Variants in CNTLN observed in about 807,000 individuals in gnomAD.
CNTLN encodes the protein centlein, centrosomal protein.
CNTLN carries 212 observed loss-of-function variants against 180.0 expected under a neutral mutation model. That is an observed-to-expected ratio of 1.18 (90% CI 1.05 to 1.32). The LOEUF is 1.32. Among genes scored for constraint, CNTLN ranks in the 40% most tolerant of loss-of-function variants. The pLI, the probability that CNTLN is intolerant of heterozygous loss-of-function variation, is 0.00. For synonymous variants in CNTLN, 722 were observed against 563.1 expected (o/e 1.28, Z -3.99); for missense variants, 2,095 against 1,610.9 (o/e 1.30, Z -5.14).
At chr9:17,334,905 A>G (rs1820896256) in intron 10 of CNTLN, among the ~76,000 whole-genome samples, 1 of 139,236 alleles carries the variant, frequency 7.2e-6, no homozygotes, top group Non-Finnish European at 1.6e-5. Flanking sequence ...CCCTGAATCT[A>G]AAATTAAAAA....
At chr9:17,495,049 T>A in intron 25 of CNTLN, 1 of 386,990 alleles carries the variant, frequency 2.6e-6, no homozygotes, top group Non-Finnish European at 5.1e-6. Context: ...CAGCTAATTT[T>A]TTTTATCTTT....
At chr9:17,252,004 C>T (rs1373552259) in intron 5 of CNTLN, among the ~76,000 whole-genome samples, 3 of 151,732 alleles carry the variant, frequency 2.0e-5, no homozygotes, top group Admixed American at 6.6e-5. Context: ...TCTTTCTCTG[C>T]CTGCCTTATT....
intron 5 of CNTLN, among the ~76,000 whole-genome samples, chr9:17,246,217 G>A (rs1825788321): frequency 6.6e-6 from 1 of 152,108 alleles, no homozygotes; most frequent in African/African-American, 2.4e-5. Context: ...CTTGGATGTT[G>A]TGATCTATGT....
At chr9:17,198,376 TC>T (rs1822270045) in intron 2 of CNTLN, among the ~76,000 whole-genome samples, 1 of 149,330 alleles carries the variant, frequency 6.7e-6, no homozygotes, top group Admixed American at 6.7e-5. Flanking sequence ...ACATGGAATG[TC>T]TTTTCTTTCT....
chr9:17,409,238 G>T, intron 15 of CNTLN, 55 bp from the exon 16 acceptor site: 1 of 1,516,960 alleles, frequency 6.6e-7, no homozygotes, highest in Non-Finnish European at 9.0e-7. Context: ...CTTAAGACAA[G>T]TACATGTAAC....
chr9:17,211,536 G>A (rs1404646001), intron 2 of CNTLN, among the ~76,000 whole-genome samples: 5 of 152,088 alleles, frequency 3.3e-5, no homozygotes, highest in African/African-American at 7.2e-5. Flanking sequence ...TTGGCAATGC[G>A]GGCTCTTTTT....
At chr9:17,458,271 A>T (rs1831255305) in intron 19 of CNTLN, among the ~76,000 whole-genome samples, 1 of 152,024 alleles carries the variant, frequency 6.6e-6, no homozygotes, top group African/African-American at 2.4e-5. Flanking sequence ...GCAACTTAAA[A>T]GTAAGGCTGT....
intron 8 of CNTLN, among the ~76,000 whole-genome samples, chr9:17,313,118 A>G (rs891434358): frequency 2.6e-5 from 4 of 152,260 alleles, no homozygotes; most frequent in Admixed American, 6.5e-5. Flanking sequence ...TACCTTTATG[A>G]TGTCAGTATA....
At chr9:17,377,703 T>C (rs528355984) in intron 13 of CNTLN, among the ~76,000 whole-genome samples, 6 of 152,370 alleles carry the variant, frequency 3.9e-5, no homozygotes, top group African/African-American at 1.4e-4. Context: ...TACACCCTTT[T>C]TTCCTCAGAA....
At chr9:17,299,402 A>G (rs1818192096) in intron 7 of CNTLN, 3 of 942,272 alleles carry the variant, frequency 3.2e-6, no homozygotes, top group Admixed American at 6.2e-5. Flanking sequence ...AATAATACAC[A>G]GTTCATATTA....
At chr9:17,526,758 G>C in the CNTLN span, among the ~76,000 whole-genome samples, 1 of 150,642 alleles carries the variant, frequency 6.6e-6, no homozygotes, top group East Asian at 2.0e-4. Flanking sequence ...AATTAATTTA[G>C]CTCTAGAGTT....
At chr9:17,383,873 C>T (rs962815758) in intron 13 of CNTLN, among the ~76,000 whole-genome samples, 6 of 152,064 alleles carry the variant, frequency 3.9e-5, no homozygotes, top group Admixed American at 3.3e-4. Flanking sequence ...CTCCTGACCT[C>T]GTGATCTGCC....
intron 25 of CNTLN, among the ~76,000 whole-genome samples, chr9:17,493,433 C>A (rs76251195): frequency 1.9e-4 from 29 of 151,926 alleles, no homozygotes; most frequent in African/African-American, 7.0e-4. Context: ...TCCTTGAGAG[C>A]ACAGTGAGTA....
At chr9:17,504,334 TA>T (rs1284562785), downstream of CNTLN, among the ~76,000 whole-genome samples, 1 of 152,090 alleles carries the variant, frequency 6.6e-6, no homozygotes, top group Non-Finnish European at 1.5e-5. Context: ...GCACGAGTAA[TA>T]AAAAATTACA....
At chr9:17,516,956 A>T in the CNTLN span, among the ~76,000 whole-genome samples, 1 of 152,226 alleles carries the variant, frequency 6.6e-6, no homozygotes. Flanking sequence ...TATCTCGAGC[A>T]CAATCTTTCC....
chr9:17,438,763 T>A (rs1452876768), intron 18 of CNTLN, among the ~76,000 whole-genome samples: 1 of 152,124 alleles, frequency 6.6e-6, no homozygotes, highest in Non-Finnish European at 1.5e-5. Context: ...CAGCCATGAG[T>A]ATGTAGATGG....
intron 12 of CNTLN, among the ~76,000 whole-genome samples, chr9:17,347,022 A>G (rs1300276267): frequency 6.6e-6 from 1 of 151,956 alleles, no homozygotes; most frequent in Non-Finnish European, 1.5e-5. Flanking sequence ...CAAGTTTTTA[A>G]TTTTGGCTAT....
At chr9:17,255,927 GTGTTAGAATACAATTTTGTATT>G (rs1321176778) in intron 5 of CNTLN, among the ~76,000 whole-genome samples, 1 of 151,842 alleles carries the variant, frequency 6.6e-6, no homozygotes, top group East Asian at 1.9e-4. Flanking sequence ...ATTATCCAAT[GTGTTAGAATACAATTTTGTATT>G]TGTTAGAATA....
At chr9:17,490,392 A>T (rs73418326) in intron 25 of CNTLN, among the ~76,000 whole-genome samples, 6,902 of 152,188 alleles carry the variant, frequency 0.045, 468 homozygotes, top group African/African-American at 0.15. Context: ...TGAGTTTAAT[A>T]TACTACATGA....
Sources: allele counts gnomAD v4.1 joint callset (sites outside exome capture counted in the v4.1 genomes callset), GRCh38; gene constraint gnomAD v4.1.1; transcripts MANE v1.5; gene names NCBI Gene and HGNC (gene_info 2026-07-23, HGNC 2026-07-21).